ROBO2: variants seen among roughly 807,000 people sequenced by gnomAD.
ROBO2 encodes roundabout homolog 2.
A neutral mutation model predicts 160.8 loss-of-function variants in ROBO2; 53 were observed. That is an observed-to-expected ratio of 0.33 (90% CI 0.26 to 0.41). ROBO2 has a LOEUF of 0.41. ROBO2 is among the 10% of genes least tolerant of loss of function. ROBO2 has a pLI of 1.00. For missense variants in ROBO2, 1,577 were observed against 1,722.4 expected (o/e 0.92, Z 1.49); for synonymous variants, 664 against 611.7 (o/e 1.09, Z -1.26).
chr3:75,987,082 T>C (rs2065434333), intron 2 of ROBO2, among the ~76,000 whole-genome samples: 2 of 151,898 alleles, frequency 1.3e-5, no homozygotes, highest in Non-Finnish European at 2.9e-5. Flanking sequence ...CATTTTAGAA[T>C]AGATTATTTC....
intron 2 of ROBO2, among the ~76,000 whole-genome samples, chr3:77,462,763 ATT>A (rs34652405): frequency 3.3e-5 from 5 of 151,292 alleles, no homozygotes; most frequent in Middle Eastern, 3.4e-3. Context: ...ACTTTCCAGT[ATT>A]TTTTTTTTCC....
intron 2 of ROBO2, among the ~76,000 whole-genome samples, chr3:77,393,658 T>G (rs1444655841): frequency 6.7e-6 from 1 of 150,248 alleles, no homozygotes; most frequent in Non-Finnish European, 1.5e-5. Flanking sequence ...AAAGACAACT[T>G]CACATAGTTC....
chr3:76,672,695 C>G (rs1338864789), intron 2 of ROBO2, among the ~76,000 whole-genome samples: 3 of 152,072 alleles, frequency 2.0e-5, no homozygotes, highest in Non-Finnish European at 4.4e-5. Flanking sequence ...ACTTTTCATG[C>G]ATTTTATTCT....
chr3:76,207,279 T>C (rs1004153743), intron 2 of ROBO2, among the ~76,000 whole-genome samples: 80 of 152,290 alleles, frequency 5.3e-4, no homozygotes, highest in African/African-American at 1.9e-3. Context: ...TTAACCGATA[T>C]GTTTACAAAT....
At position 77,454,281 on chromosome 3, in the gene ROBO2, G is replaced by A. The variant is rs115934194; in HGVS notation, c.389-23133G>A. 2.2e-3 allele frequency among the ~76,000 whole-genome samples: 329 copies of A among 152,182 alleles called. 1 individual carries two copies. Among genetic ancestry groups the A allele is most frequent in the African/African-American group, 7.6e-3 (315 of 41,524 alleles). On this transcript the variant is annotated intron_variant, in intron 2 of 25. Transcript: ENST00000461745. ...GAGAAAAAGATAAGCGTTCAATTTG[G>A]TTATTGGGTTTTTGCATTTTCTGGT... is the stretch of plus-strand genomic sequence containing the variant.
intron 2 of ROBO2, among the ~76,000 whole-genome samples, chr3:77,138,677 G>A: frequency 7.6e-6 from 1 of 131,334 alleles, no homozygotes; most frequent in Non-Finnish European, 1.8e-5. Context: ...CTTGTTTAAT[G>A]TTCCGTTTTA....
intron 2 of ROBO2, among the ~76,000 whole-genome samples, chr3:77,021,976 C>T (rs1355277633): frequency 2.0e-5 from 3 of 152,152 alleles, no homozygotes; most frequent in African/African-American, 4.8e-5. Context: ...TGTAGTGGCT[C>T]ATACCTATAA....
chr3:77,126,553 A>G (rs993667027), intron 2 of ROBO2, among the ~76,000 whole-genome samples: 9 of 152,066 alleles, frequency 5.9e-5, no homozygotes, highest in African/African-American at 1.9e-4. Context: ...TCTGCCCACA[A>G]TCACCAGTTC....
intron 2 of ROBO2, among the ~76,000 whole-genome samples, chr3:76,873,660 G>A (rs1260771912): frequency 2.6e-5 from 4 of 151,966 alleles, no homozygotes; most frequent in African/African-American, 9.7e-5. Flanking sequence ...CAAACTCCAG[G>A]GCTCAAAGGG....
intron 2 of ROBO2, among the ~76,000 whole-genome samples, chr3:76,990,662 T>A (rs899120317): frequency 1.3e-5 from 2 of 151,942 alleles, no homozygotes; most frequent in East Asian, 1.9e-4. Flanking sequence ...TCTAAAATAG[T>A]AATTGGTTGC....
At chr3:76,830,658 C>T (rs1146017) in intron 2 of ROBO2, among the ~76,000 whole-genome samples, 18,879 of 151,616 alleles carry the variant, frequency 0.12, 1,279 homozygotes, top group East Asian at 0.21. Flanking sequence ...ATGTATTCTA[C>T]GTATATTTCA....
rs565788765 is a variant in ROBO2, at chr3:77,460,811, C to A, written c.389-16603C>A. Among the ~76,000 whole-genome samples, 15 of 152,196 alleles carry A rather than the reference C, an allele frequency of 9.9e-5. 1 individual carries two copies. The East Asian group carries it at 1.7e-3, about 18-fold the overall frequency. ...GGAGAGAAACATGGAGTTATTATATCTGCATTGGAGATAATAGCTGATAGC... is the reference window on the plus strand; with the variant it reads ...GGAGAGAAACATGGAGTTATTATATATGCATTGGAGATAATAGCTGATAGC... On this transcript the variant is annotated intron_variant, in intron 2 of 25. Transcript: ENST00000461745.
intron 2 of ROBO2, among the ~76,000 whole-genome samples, chr3:76,519,171 C>T (rs1210556738): frequency 6.6e-6 from 1 of 152,072 alleles, no homozygotes; most frequent in African/African-American, 2.4e-5. Context: ...ATTACATATC[C>T]AGTGATGTTT....
intron 2 of ROBO2, among the ~76,000 whole-genome samples, chr3:77,027,625 T>C (rs2063049287): frequency 6.6e-6 from 1 of 152,198 alleles, no homozygotes; most frequent in African/African-American, 2.4e-5. Context: ...TTTATGTCAG[T>C]ATGGTACTTT....
intron 2 of ROBO2, among the ~76,000 whole-genome samples, chr3:76,047,368 T>G (rs2067485743): frequency 6.6e-6 from 1 of 152,232 alleles, no homozygotes; most frequent in South Asian, 2.1e-4. Context: ...CATCCGTTCA[T>G]TAAAGCTAAT....
chr3:77,605,222 A>C (rs1298708604), intron 20 of ROBO2, among the ~76,000 whole-genome samples: 7 of 150,576 alleles, frequency 4.6e-5, no homozygotes, highest in Non-Finnish European at 7.4e-5. Context: ...ATATACACAC[A>C]AATTAAAGAG....
chr3:77,451,120 C>T (rs891657067), intron 2 of ROBO2, among the ~76,000 whole-genome samples: 22 of 152,178 alleles, frequency 1.4e-4, no homozygotes, highest in East Asian at 3.9e-4. Context: ...TCAGAACATA[C>T]GCTATGTAAG....
rs537258385 is a variant in ROBO2, at chr3:77,574,711, G to C, written c.2184G>C (p.Thr728=). 3 of 1,612,502 alleles carry C rather than the reference G, an allele frequency of 1.9e-6. No individual in the cohort carries two copies. The highest frequency in any genetic ancestry group is 3.3e-5 in the Admixed American group (2 of 59,874). ...AAGGAATGGATAGTGAATCTAAAAC[G>C]GTTCGTACTACTGAAGAAGGTCAGT... The change falls in exon 14 of 26, where the codon ACG becomes ACC. Residue 728 remains threonine (T), a synonymous_variant. Coordinates refer to ENST00000461745, the Ensembl canonical transcript of ROBO2.
chr3:76,065,168 C>G lies in ROBO2; in HGVS notation c.109+127566C>G, dbSNP rs557246865. Among the ~76,000 whole-genome samples the G allele has an allele frequency of 2.0e-5, 3 of 152,178 alleles. No individual in the cohort carries two copies. In the South Asian group the frequency reaches 6.2e-4, roughly 32 times the overall value. ...GATTTCATTAATGTAGTGATAGACA[C>G]AGGGTCCGTATCTCTCCGTTGTCAG... On this transcript the variant is annotated intron_variant, in intron 2 of 26. Coordinates refer to the ROBO2 transcript ENST00000487694.
Sources: gnomAD v4.1 joint callset for allele counts (sites outside exome capture counted in the v4.1 genomes callset) on GRCh38, gnomAD v4.1.1 for gene constraint, MANE v1.5 for transcripts, NCBI Gene and HGNC (gene_info 2026-07-23, HGNC 2026-07-21) for gene names.